PZP: variants seen among roughly 807,000 people sequenced by gnomAD.
The protein encoded by PZP is pregnancy zone protein.
A neutral mutation model predicts 179.8 loss-of-function variants in PZP; 150 were observed. That is an observed-to-expected ratio of 0.83 (90% CI 0.73 to 0.96). PZP has a LOEUF of 0.96. Ranked by LOEUF, PZP falls within the 40% of genes least tolerant of loss-of-function variation. PZP has a pLI of 0.00. For synonymous variants in PZP, 624 were observed against 652.3 expected (o/e 0.96, Z 0.66); for missense variants, 1,689 against 1,764.0 (o/e 0.96, Z 0.76).
rs1454233940 is a variant in PZP at position 9,158,527 on chromosome 12, AGAT to A, written c.3184_3186del (p.Ile1062del). The A allele has an allele frequency of 6.2e-7, 1 of 1,614,008 alleles. No individual in the cohort carries two copies. The highest frequency in any genetic ancestry group is 1.3e-5 in the African/African-American group (1 of 74,914). ...TGGGTAATGTGTGCTTCATCAATGA[AGAT>A]GTAGGATCGAGCCTGGGCGAAAGTC... On this transcript the variant is annotated inframe_deletion, in exon 26 of 36. Transcript: ENST00000261336.
rs748667548 is a variant in PZP, at chr12:9,165,197, C to T, written c.2429G>A (p.Arg810His). ...GGCCTTGAGTGTGAAGACCTCTCCA[C>T]GAATCACAGAGTAAGGCATTGTGAG... ...VELTMPYSVI[R>H]GEVFTLKATV... Residue 810 changes from arginine (R) to histidine (H), a missense_variant, in exon 19 of 36, where the codon CGT (arginine) becomes CAT (histidine). Arg to His is a conservative substitution (Grantham distance 29). Coordinates refer to ENST00000261336, the MANE Select transcript of PZP (RefSeq NM_002864.3). 23 of 1,614,006 alleles carry T rather than the reference C, an allele frequency of 1.4e-5. No homozygotes were observed. Among genetic ancestry groups the T allele is most frequent in the East Asian group, 4.5e-5 (2 of 44,888 alleles).
In PZP at chr12:9,153,327, A is replaced by G. The variant is rs1940507269; in HGVS notation, c.3791T>C (p.Leu1264Pro). The change falls in exon 30 of 36, where the codon CTC becomes CCC. Residue 1264 changes from leucine (L) to proline (P), a missense_variant. Physicochemically the swap from Leu to Pro is moderately conservative, Grantham distance 98. Transcript: ENST00000261336. ...TGCTCCATACCTGGACAGGGCATGG[A>G]GAGCCACCACTGTGTCCTGGAAGAG... is the stretch of plus-strand genomic sequence containing the variant. ...FSSTQDTVVALHALSRYGAAT... is the reference protein window; with the variant it reads ...FSSTQDTVVAPHALSRYGAAT... The G allele has an allele frequency of 3.1e-6, 5 of 1,613,244 alleles. No individual in the cohort carries two copies. The highest frequency in any genetic ancestry group is 4.2e-6 in the Non-Finnish European group (5 of 1,179,704).
At position 9,165,593 on chromosome 12, in the gene PZP, T is replaced by C. The variant is rs569646906; in HGVS notation, c.2259-226A>G. Reference sequence around the variant, plus strand: ...TATCAACAAATGATCATATCCCACATGTCTGTACTTTGAATAAAAATATTT... The same window carrying C: ...TATCAACAAATGATCATATCCCACACGTCTGTACTTTGAATAAAAATATTT... On this transcript the variant is annotated intron_variant, in intron 18 of 35. Transcript: ENST00000261336. 3.9e-4 allele frequency among the ~76,000 whole-genome samples: 60 copies of C among 152,314 alleles called. 2 individuals carry two copies. The highest frequency in any genetic ancestry group is 1.3e-3 in the African/African-American group (56 of 41,576).
intron 15 of PZP, among the ~76,000 whole-genome samples, chr12:9,172,326 A>G (rs948171938): frequency 2.6e-5 from 4 of 152,228 alleles, no homozygotes; most frequent in African/African-American, 9.6e-5. Flanking sequence ...CTGCCTTGCA[A>G]GAGCTCCTGA....
intron 22 of PZP, among the ~76,000 whole-genome samples, chr12:9,162,072 G>A (rs1299601123): frequency 3.9e-5 from 6 of 151,934 alleles, no homozygotes; most frequent in Non-Finnish European, 5.9e-5. Flanking sequence ...AGCGATTCTC[G>A]TGCCCCAGCC....
At chr12:9,171,199 T>C (rs1208019339) in intron 15 of PZP, among the ~76,000 whole-genome samples, 1 of 152,150 alleles carries the variant, frequency 6.6e-6, no homozygotes, top group African/African-American at 2.4e-5. Flanking sequence ...TACTTCCACG[T>C]ACGGGAGAAA....
At chr12:9,174,227 C>CA (rs894643844) in intron 15 of PZP, among the ~76,000 whole-genome samples, 3 of 152,144 alleles carry the variant, frequency 2.0e-5, no homozygotes, top group African/African-American at 7.2e-5. Context: ...AGACAAAAAC[C>CA]ACATGGTTAT....
chr12:9,187,416 G>A (rs1021642970), intron 13 of PZP, among the ~76,000 whole-genome samples: 3 of 152,062 alleles, frequency 2.0e-5, no homozygotes, highest in African/African-American at 4.8e-5. Context: ...CTCTAAAACC[G>A]ATCACACAAT....
At position 9,154,768 on chromosome 12, in the gene PZP, G is replaced by T; in HGVS notation, c.3622C>A (p.Pro1208Thr). 6.2e-7 allele frequency: 1 copy of T among 1,614,146 alleles called. No individual in the cohort carries two copies. The change falls in exon 29 of 36, where the codon CCC (proline) becomes ACC (threonine). Residue 1208 changes from proline to threonine, a missense_variant. By Grantham distance (38) the Pro-to-Thr change is conservative (BLOSUM62 -1). This residue lies in a region of PZP where 746 missense variants were observed against 749.2 expected (regional missense o/e 1.00). Transcript: ENST00000261336. ...PVGHLYQTQAPSAEVEMTSYV... is the reference protein window; with the variant it reads ...PVGHLYQTQATSAEVEMTSYV... The stretch of plus-strand genomic sequence containing the variant: ...GATGTCATCTCCACCTCAGCAGAGG[G>T]AGCCTGGGTTTGGTAAAGATGCCCC...
At chr12:9,202,102 G>C (rs1463562801) in intron 4 of PZP, among the ~76,000 whole-genome samples, 1 of 152,024 alleles carries the variant, frequency 6.6e-6, no homozygotes, top group African/African-American at 2.4e-5. Flanking sequence ...TGCAGCTATT[G>C]CCAGACTGAT....
chr12:9,147,044 A>T (rs768716466), downstream of PZP, among the ~76,000 whole-genome samples: 1 of 152,316 alleles, frequency 6.6e-6, no homozygotes, highest in African/African-American at 2.4e-5. Context: ...AGGTGGGGCT[A>T]GACTGTGCAG....
intron 35 of PZP, 74 bp downstream of exon 35, chr12:9,149,487 G>T: frequency 2.8e-6 from 4 of 1,415,306 alleles, no homozygotes; most frequent in Non-Finnish European, 3.9e-6. Flanking sequence ...GCCTTGTAGA[G>T]AATTTAAATT....
intron 23 of PZP, 35 bp downstream of exon 23, chr12:9,160,998 T>G (rs1190350644): frequency 2.0e-6 from 3 of 1,491,120 alleles, no homozygotes; most frequent in Non-Finnish European, 2.8e-6. Flanking sequence ...TGGCAACTCT[T>G]TTGGCCCAGG....
chr12:9,179,801 T>G (rs1425312050), intron 15 of PZP, among the ~76,000 whole-genome samples: 1 of 152,240 alleles, frequency 6.6e-6, no homozygotes, highest in Non-Finnish European at 1.5e-5. Context: ...TAACAAAATA[T>G]AGCTTTCATT....
chr12:9,182,140 C>CA, intron 13 of PZP, 23 bp from the exon 14 acceptor site: 4 of 1,610,022 alleles, frequency 2.5e-6, no homozygotes, highest in Non-Finnish European at 3.4e-6. Flanking sequence ...GAGAGTGAGA[C>CA]AAAATGGTCA....
intron 18 of PZP, 40 bp downstream of exon 18, chr12:9,166,012 C>T: frequency 1.3e-6 from 2 of 1,568,902 alleles, no homozygotes; most frequent in Non-Finnish European, 1.7e-6. Flanking sequence ...GAACCACATT[C>T]CCTCCCCTCC....
At chr12:9,190,333 C>T (rs1294377056) in intron 13 of PZP, among the ~76,000 whole-genome samples, 1 of 152,194 alleles carries the variant, frequency 6.6e-6, no homozygotes, top group African/African-American at 2.4e-5. Flanking sequence ...AGAACGCCAT[C>T]ATGTCCTTTG....
At chr12:9,165,673 A>C (rs1941531916) in intron 18 of PZP, among the ~76,000 whole-genome samples, 1 of 152,210 alleles carries the variant, frequency 6.6e-6, no homozygotes, top group Non-Finnish European at 1.5e-5. Flanking sequence ...AATCCCATAA[A>C]TAAGCATTTT....
intron 17 of PZP, among the ~76,000 whole-genome samples, chr12:9,168,251 A>G (rs754537945): frequency 6.6e-6 from 1 of 152,344 alleles, no homozygotes; most frequent in East Asian, 1.9e-4. Flanking sequence ...CATATAGGAT[A>G]TCTGATTTCC....
Sources: allele counts gnomAD v4.1 joint callset (sites outside exome capture counted in the v4.1 genomes callset), GRCh38; gene constraint gnomAD v4.1.1; regional missense constraint gnomAD v4.1.1; transcripts MANE v1.5; gene names NCBI Gene and HGNC (gene_info 2026-07-23, HGNC 2026-07-21).